The following TP63 variants were observed in gnomAD, a reference collection of about 807,000 sequenced individuals.
TP63 encodes the protein tumor protein p63.
A neutral mutation model predicts 82.8 loss-of-function variants in TP63; 17 were observed. The observed-to-expected ratio is 0.21, with a 90% CI of 0.14 to 0.31. The LOEUF is 0.31. Among genes scored for constraint, TP63 ranks in the 10% least tolerant of loss-of-function variants. The pLI is 1.00. For synonymous variants in TP63, 330 were observed against 321.7 expected (o/e 1.03, Z -0.28); for missense variants, 648 against 895.3 (o/e 0.72, Z 3.52).
chr3:189,666,453 A>G (rs74699520), intron 1 of TP63, among the ~76,000 whole-genome samples: 10,577 of 152,194 alleles, frequency 0.069, 449 homozygotes, highest in Middle Eastern at 0.19. Context: ...TTAATGAAAT[A>G]GACTTATACT....
intron 1 of TP63, among the ~76,000 whole-genome samples, chr3:189,657,895 A>G (rs756927067): frequency 3.3e-5 from 5 of 152,050 alleles, no homozygotes; most frequent in Non-Finnish European, 4.4e-5. Context: ...CCTTGATTCT[A>G]GGACTGGTAC....
chr3:189,832,817 A>G (rs573143710), intron 4 of TP63, among the ~76,000 whole-genome samples: 5 of 152,318 alleles, frequency 3.3e-5, no homozygotes, highest in African/African-American at 1.2e-4. Flanking sequence ...GTCTTTCTAG[A>G]CCTGACAACA....
chr3:189,694,889 T>A (rs1193427512), intron 1 of TP63, among the ~76,000 whole-genome samples: 1 of 130,126 alleles, frequency 7.7e-6, no homozygotes, highest in Non-Finnish European at 1.6e-5. Context: ...CACTGCAACC[T>A]CCAACTCCTG....
intron 3 of TP63, among the ~76,000 whole-genome samples, chr3:189,776,401 A>G (rs1240699152): frequency 1.3e-5 from 2 of 152,134 alleles, no homozygotes; most frequent in Admixed American, 6.5e-5. Context: ...AAGGGGCACT[A>G]TCTTTATGGG....
At chr3:189,774,007 C>T (rs1723578612) in intron 3 of TP63, among the ~76,000 whole-genome samples, 1 of 150,792 alleles carries the variant, frequency 6.6e-6, no homozygotes, top group African/African-American at 2.4e-5. Context: ...ACTGCAAGCT[C>T]CGCCTCCTGG....
At chr3:189,692,318 C>T (rs1210465817) in intron 1 of TP63, among the ~76,000 whole-genome samples, 1 of 151,894 alleles carries the variant, frequency 6.6e-6, no homozygotes, top group African/African-American at 2.4e-5. Context: ...ATTTTCTCCT[C>T]TTTCCCTCTG....
At chr3:189,868,139 A>G (rs1327699023) in intron 7 of TP63, among the ~76,000 whole-genome samples, 197 bp downstream of exon 7, 2 of 152,274 alleles carry the variant, frequency 1.3e-5, no homozygotes, top group South Asian at 2.1e-4. Flanking sequence ...AGTTAGAAGG[A>G]AAAAAAGAGC....
intron 1 of TP63, among the ~76,000 whole-genome samples, chr3:189,708,133 A>G (rs1054788547): frequency 3.9e-5 from 6 of 152,196 alleles, no homozygotes; most frequent in African/African-American, 1.4e-4. Context: ...CAATCAGCAG[A>G]GTGAAAAATC....
intron 1 of TP63, among the ~76,000 whole-genome samples, chr3:189,641,585 A>G (rs145721952): frequency 6.6e-6 from 1 of 152,184 alleles, no homozygotes; most frequent in Non-Finnish European, 1.5e-5. Flanking sequence ...TTAATAAATA[A>G]TCTAATGAGC....
At chr3:189,710,582 T>C (rs988766409) in intron 1 of TP63, among the ~76,000 whole-genome samples, 5 of 152,188 alleles carry the variant, frequency 3.3e-5, no homozygotes, top group East Asian at 3.8e-4. Flanking sequence ...CCAACTCTAG[T>C]TCCTGGACTC....
At chr3:189,820,707 G>A (rs1728711223) in intron 4 of TP63, among the ~76,000 whole-genome samples, 1 of 152,164 alleles carries the variant, frequency 6.6e-6, no homozygotes, top group South Asian at 2.1e-4. Context: ...AGCTCTGATG[G>A]TATATTTTTA....
chr3:189,707,151 A>T (rs978068750), intron 1 of TP63, among the ~76,000 whole-genome samples: 1 of 152,246 alleles, frequency 6.6e-6, no homozygotes, highest in African/African-American at 2.4e-5. Flanking sequence ...CTATCTAAAA[A>T]AGGAATTTTT....
chr3:189,729,653 C>G (rs1265931382), intron 1 of TP63, among the ~76,000 whole-genome samples: 1 of 151,846 alleles, frequency 6.6e-6, no homozygotes, highest in Non-Finnish European at 1.5e-5. Flanking sequence ...GAGAGTTAAG[C>G]TGACATGGAT....
Position 189,649,905 on chromosome 3 carries a change from T to G in TP63, c.62+18328T>G, listed in dbSNP as rs1033247387. Among the ~76,000 whole-genome samples, 32 of 146,832 alleles carry G rather than the reference T, an allele frequency of 2.2e-4. 2 individuals carry two copies. The highest frequency in any genetic ancestry group is 1.0e-4 in the Non-Finnish European group (7 of 67,260). On this transcript the variant is annotated intron_variant, in intron 1 of 13. Transcript: ENST00000264731. The stretch of plus-strand genomic sequence containing the variant: ...GTAGGTAAAAGTAATGATTAACTTT[T>G]TTTCAAAGGATTTTATTGTCTCATA...
At chr3:189,694,790 C>T (rs1257899666) in intron 1 of TP63, among the ~76,000 whole-genome samples, 1 of 32,728 alleles carries the variant, frequency 3.1e-5, no homozygotes, top group Non-Finnish European at 5.4e-5. Context: ...TATTTACAGC[C>T]TTTTTTTTTT....
At chr3:189,861,042 T>C (rs765042704) in intron 4 of TP63, among the ~76,000 whole-genome samples, 142 of 152,252 alleles carry the variant, frequency 9.3e-4, no homozygotes, top group Middle Eastern at 3.4e-3. Context: ...ATTATTTCCA[T>C]CTTTATGTCC....
At chr3:189,678,110 TG>T (rs1715603846) in intron 1 of TP63, among the ~76,000 whole-genome samples, 1 of 152,122 alleles carries the variant, frequency 6.6e-6, no homozygotes, top group Admixed American at 6.6e-5. Context: ...GAGTCCCATT[TG>T]TCTATTTTGG....
rs543205284 is a variant in TP63, at chr3:189,895,751, A to C, written c.*1249A>C. 4 of 228,456 alleles carry C rather than the reference A, an allele frequency of 1.8e-5. No individual in the cohort carries two copies. The highest frequency in any genetic ancestry group is 8.8e-5 in the African/African-American group (4 of 45,228). The allele number at this position is 228,456 out of a possible 1,614,324, so 14.2% of individuals were successfully genotyped here. On this transcript the variant is annotated 3_prime_UTR_variant, in exon 14 of 14. Transcript: ENST00000264731. The stretch of plus-strand genomic sequence containing the variant: ...ACCCTCCTATTCTATAAAACTCTGC[A>C]TGTAGAGGCTTGTTTACCTTTCTCT...
Position 189,650,711 on chromosome 3 carries a change from G to A in TP63, c.62+19134G>A, listed in dbSNP as rs1044655820. ...TCCTTTATAAATTAACCAAATCTCA[G>A]GTATGTCTTTATTAGCAATGTGAGA... On this transcript the variant is annotated intron_variant, in intron 1 of 13. Transcript: ENST00000264731. Among the ~76,000 whole-genome samples the A allele has an allele frequency of 8.8e-5, 13 of 147,352 alleles. 1 individual carries two copies. The highest frequency in any genetic ancestry group is 1.3e-4 in the Non-Finnish European group (9 of 67,394).
Sources: allele counts gnomAD v4.1 joint callset (sites outside exome capture counted in the v4.1 genomes callset), GRCh38; gene constraint gnomAD v4.1.1; transcripts MANE v1.5; gene names NCBI Gene and HGNC (gene_info 2026-07-23, HGNC 2026-07-21).